Variants in AKAP6 observed in about 807,000 individuals in gnomAD.
AKAP6 encodes A-kinase anchor protein 6.
In AKAP6, 58 loss-of-function variants were observed where a neutral mutation model predicts 188.5. The ratio of observed to expected loss-of-function variants is 0.31; its 90% CI spans 0.25 to 0.38. The LOEUF is 0.38. Among genes scored for constraint, AKAP6 ranks in the 10% least tolerant of loss-of-function variants. AKAP6 has a pLI of 1.00. For synonymous variants in AKAP6, 989 were observed against 998.6 expected, an observed-to-expected ratio of 0.99 and a Z score of 0.18; for missense variants, 2,710 against 2,740.0, an observed-to-expected ratio of 0.99 and a Z score of 0.24.
At chr14:32,512,589 C>G (rs370016059) in intron 2 of AKAP6, among the ~76,000 whole-genome samples, 3 of 152,074 alleles carry the variant, frequency 2.0e-5, no homozygotes, top group Admixed American at 6.6e-5. Flanking sequence ...ACTTGGTGGT[C>G]AGATATGCTA....
At chr14:32,499,892 A>G (rs548255889) in intron 2 of AKAP6, among the ~76,000 whole-genome samples, 6 of 152,176 alleles carry the variant, frequency 3.9e-5, no homozygotes, top group Admixed American at 6.6e-5. Context: ...CCAAAGACCT[A>G]TTATTAGGAA....
chr14:32,539,950 G>A (rs1007777875), intron 3 of AKAP6, among the ~76,000 whole-genome samples: 6 of 151,846 alleles, frequency 4.0e-5, no homozygotes, highest in Admixed American at 6.6e-5. Flanking sequence ...CATGATCTCC[G>A]CATCTCTAAG....
intron 1 of AKAP6, among the ~76,000 whole-genome samples, chr14:32,336,382 G>T (rs1229615269): frequency 6.6e-6 from 1 of 152,038 alleles, no homozygotes; most frequent in African/African-American, 2.4e-5. Context: ...GTCCATCACT[G>T]TACAAGCTGT....
intron 12 of AKAP6, among the ~76,000 whole-genome samples, chr14:32,817,345 C>T (rs1000153885): frequency 6.6e-6 from 1 of 151,990 alleles, no homozygotes; most frequent in Non-Finnish European, 1.5e-5. Flanking sequence ...TTATTGCTTT[C>T]TCTGTATATG....
intron 9 of AKAP6, among the ~76,000 whole-genome samples, chr14:32,699,584 ACTTT>A (rs1396517240): frequency 6.6e-6 from 1 of 152,188 alleles, no homozygotes; most frequent in Non-Finnish European, 1.5e-5. Flanking sequence ...CCTTAAATGT[ACTTT>A]CTTCTTTGTT....
rs115300900 is a variant in AKAP6, at chr14:32,606,789, A to G, written c.2730+5997A>G. On this transcript the variant is annotated intron_variant, in intron 7 of 13. Coordinates refer to ENST00000280979, the MANE Select transcript of AKAP6 (RefSeq NM_004274.5). The stretch of plus-strand genomic sequence containing the variant: ...TTCCTTTGGAAATGGATATCAGACT[A>G]TGAAGGTCATCAATGTTATCTGTTC... Among the ~76,000 whole-genome samples the G allele has an allele frequency of 4.1e-3, 630 of 152,300 alleles. 7 individuals carry two copies. Among genetic ancestry groups the G allele is most frequent in the African/African-American group, 0.015 (609 of 41,570 alleles).
Position 32,546,734 on chromosome 14 carries a change from G to T in AKAP6, c.2081G>T (p.Gly694Val), listed in dbSNP as rs1473045759. Residue 694 changes from glycine to valine, a missense_variant, in exon 4 of 14, where the codon GGC becomes GTC. Gly to Val is a moderately radical substitution (Grantham distance 109). Coordinates refer to ENST00000280979, the MANE Select transcript of AKAP6 (RefSeq NM_004274.5). Reference sequence around the variant, plus strand: ...GTCAAAAAGAAGCATACAAGGCTAGGCAGGGTGTCTCCAAGCTCATCTAGT... The same window carrying T: ...GTCAAAAAGAAGCATACAAGGCTAGTCAGGGTGTCTCCAAGCTCATCTAGT... ...YHVKKKHTRLGRVSPSSSSDI... is the reference protein window; with the variant it reads ...YHVKKKHTRLVRVSPSSSSDI... 1.9e-6 allele frequency: 3 copies of T among 1,614,084 alleles called. No homozygotes were observed. Among genetic ancestry groups the T allele is most frequent in the Middle Eastern group, 1.6e-4 (1 of 6,062 alleles).
At chr14:32,366,956 T>C (rs1887855817) in intron 1 of AKAP6, among the ~76,000 whole-genome samples, 1 of 152,064 alleles carries the variant, frequency 6.6e-6, no homozygotes, top group African/African-American at 2.4e-5. Context: ...TCAGCCGATA[T>C]CCCTCTTCAT....
At chr14:32,696,168 GTC>G (rs902218368) in intron 9 of AKAP6, 58 bp downstream of exon 9, 6,840 of 1,461,480 alleles carry the variant, frequency 4.7e-3, no homozygotes, top group South Asian at 8.1e-3. Flanking sequence ...AGCCTGACAA[GTC>G]TCTCTCTCTC....
At position 32,824,712 on chromosome 14, in the gene AKAP6, T is replaced by C. The variant is rs777830730; in HGVS notation, c.6899T>C (p.Leu2300Ser). ...KAALHPSPKT[L>S]TCEENLLNLH... is the part of the protein sequence containing the mutation. Reference sequence around the variant, plus strand: ...GCATTGCATCCCAGCCCCAAAACTTTAACCTGTGAAGAAAATCTTCTAAAC... The same window carrying C: ...GCATTGCATCCCAGCCCCAAAACTTCAACCTGTGAAGAAAATCTTCTAAAC... Residue 2300 changes from leucine to serine, a missense_variant, in exon 13 of 14, where the codon TTA becomes TCA. Leu to Ser is a moderately radical substitution (Grantham distance 145). This residue lies in a region of AKAP6 where 2,473 missense variants were observed against 2,426.1 expected (regional missense o/e 1.02). Transcript: ENST00000280979. The C allele has an allele frequency of 1.9e-6, 3 of 1,613,564 alleles. No individual in the cohort carries two copies. The highest frequency in any genetic ancestry group is 3.3e-5 in the Admixed American group (2 of 59,900).
intron 5 of AKAP6, among the ~76,000 whole-genome samples, chr14:32,589,381 G>A (rs1885384146): frequency 6.6e-6 from 1 of 152,150 alleles, no homozygotes; most frequent in Non-Finnish European, 1.5e-5. Flanking sequence ...CTGGCCTTGA[G>A]TTTCTTCCTT....
intron 2 of AKAP6, among the ~76,000 whole-genome samples, chr14:32,488,771 T>G (rs1436629518): frequency 2.6e-5 from 4 of 152,134 alleles, no homozygotes; most frequent in Non-Finnish European, 5.9e-5. Context: ...GGAGGGAGTT[T>G]CCTGACCCCT....
At chr14:32,496,188 A>G (rs564329346) in intron 2 of AKAP6, among the ~76,000 whole-genome samples, 2 of 152,312 alleles carry the variant, frequency 1.3e-5, no homozygotes, top group South Asian at 2.1e-4. Flanking sequence ...TGTAATTAGA[A>G]TGACTTAACA....
rs184486253 is a variant in AKAP6, at chr14:32,531,380, G to T, written c.325-4174G>T. Among the ~76,000 whole-genome samples the T allele has an allele frequency of 2.6e-4, 39 of 152,242 alleles. No homozygotes were observed. The East Asian group carries it at 7.3e-3, about 29-fold the overall frequency. On this transcript the variant is annotated intron_variant, in intron 2 of 13. Coordinates refer to ENST00000280979, the MANE Select transcript of AKAP6 (RefSeq NM_004274.5). ...AATTAGTGCTGATGATCACAGTACCGTCATGACTTTAAAGAGTTGTGCTTT... is the reference window on the plus strand; with the variant it reads ...AATTAGTGCTGATGATCACAGTACCTTCATGACTTTAAAGAGTTGTGCTTT...
At chr14:32,567,721 A>G (rs1353551127) in intron 4 of AKAP6, among the ~76,000 whole-genome samples, 6 of 152,214 alleles carry the variant, frequency 3.9e-5, no homozygotes, top group African/African-American at 1.4e-4. Flanking sequence ...TTTGATGTGC[A>G]AGAGTTCTTA....
rs1175255717 is a variant in AKAP6, at chr14:32,835,018, A to T, written c.*5213A>T. 1 of 152,238 alleles carries T rather than the reference A, an allele frequency of 6.6e-6. No homozygotes were observed. The highest frequency in any genetic ancestry group is 1.5e-5 in the Non-Finnish European group (1 of 68,038). 9.4% of individuals were successfully genotyped at this position (152,238 alleles called of 1,614,324 possible). A position where few individuals can be genotyped will look rare whatever the true frequency, so the allele number is the denominator to read the frequency against. On this transcript the variant is annotated 3_prime_UTR_variant, in exon 14 of 14. Transcript: ENST00000280979. ...GAAATTTAAATTTTGGTGTCCATGT[A>T]TAAAGTTTTATTAGAACACATCCAC...
intron 2 of AKAP6, among the ~76,000 whole-genome samples, chr14:32,533,844 G>A (rs982808760): frequency 4.6e-4 from 70 of 152,254 alleles, no homozygotes; most frequent in Non-Finnish European, 6.8e-4. Context: ...CCATGCACTG[G>A]CTAATAGATT....
intron 1 of AKAP6, among the ~76,000 whole-genome samples, chr14:32,348,303 TA>T (rs1887134968): frequency 6.6e-6 from 1 of 152,104 alleles, no homozygotes; most frequent in Non-Finnish European, 1.5e-5. Context: ...CATTTTAAGA[TA>T]CTGGGCGTAA....
At chr14:32,796,536 A>AC (rs2033773583) in intron 12 of AKAP6, among the ~76,000 whole-genome samples, 1 of 152,126 alleles carries the variant, frequency 6.6e-6, no homozygotes, top group Non-Finnish European at 1.5e-5. Context: ...TGGGGAAAGG[A>AC]CTCCCTATTT....
Sources: allele counts gnomAD v4.1 joint callset (sites outside exome capture counted in the v4.1 genomes callset), GRCh38; gene constraint gnomAD v4.1.1; regional missense constraint gnomAD v4.1.1; transcripts MANE v1.5; gene names NCBI Gene and HGNC (gene_info 2026-07-23, HGNC 2026-07-21).